TASOR: variants seen among roughly 807,000 people sequenced by gnomAD.
TASOR encodes protein TASOR.
Under a neutral mutation model 178.6 loss-of-function variants are expected in TASOR, and 53 were observed. That is an observed-to-expected ratio of 0.30 (90% CI 0.24 to 0.37). The LOEUF (loss-of-function observed/expected upper bound fraction) is 0.37, where lower values mean the gene tolerates loss of function less well. Ranked by LOEUF, TASOR falls within the 10% of genes least tolerant of loss-of-function variation. The probability of loss-of-function intolerance (pLI) is 1.00; values close to 1 mark genes in which losing one functional copy is unlikely to be tolerated. For missense variants in TASOR, 1,815 were observed against 1,971.4 expected (o/e 0.92, Z 1.50); for synonymous variants, 713 against 696.2 (o/e 1.02, Z -0.38).
Position 56,641,333 on chromosome 3 carries a change from A to G in TASOR, c.2619+16T>C, listed in dbSNP as rs943104761. ...ACACTCACAAACACAAAGGTAACCA[A>G]CAGCTATATGCTTACTTCTTTCAAA... On this transcript the variant is annotated intron_variant, in intron 15 of 23. Transcript: ENST00000683822. 1.4e-5 allele frequency: 22 copies of G among 1,565,214 alleles called. 1 individual carries two copies. The highest frequency in any genetic ancestry group is 4.6e-5 in the East Asian group (2 of 43,940).
Position 56,664,029 on chromosome 3 carries a change from C to T in TASOR, c.1023-457G>A, listed in dbSNP as rs539571794. ...ACCTACATAAATCTAATGAGGAAGA[C>T]AGAAAACAATGATATATAACAGATC... is the stretch of plus-strand genomic sequence containing the variant. On this transcript the variant is annotated intron_variant, in intron 7 of 23. Coordinates refer to ENST00000683822, the MANE Select transcript of TASOR (RefSeq NM_001365635.2). 14 of 197,586 alleles carry T rather than the reference C, an allele frequency of 7.1e-5. 1 individual carries two copies. The South Asian group carries it at 2.5e-3, about 36-fold the overall frequency. The allele number at this position is 197,586 out of a possible 1,614,324, so 12.2% of individuals were successfully genotyped here.
intron 9 of TASOR, 61 bp downstream of exon 9, chr3:56,662,324 G>A: frequency 2.4e-6 from 2 of 841,976 alleles, no homozygotes; most frequent in Admixed American, 2.6e-5. Context: ...AAGAAATAAG[G>A]AAAAAGGCTC....
rs1489071599 is a variant in TASOR at position 56,622,197 on chromosome 3, G to A, written c.*840C>T. 1 of 152,126 alleles carries A rather than the reference G, an allele frequency of 6.6e-6. No homozygotes were observed. Among genetic ancestry groups the A allele is most frequent in the East Asian group, 1.9e-4 (1 of 5,194 alleles). 9.4% of individuals were successfully genotyped at this position (152,126 alleles called of 1,614,324 possible). ...AACAAGTTAGTAATTAGTATTAGAG[G>A]CAGTAGTTAGGAATAGATACGGGTT... On this transcript the variant is annotated 3_prime_UTR_variant, in exon 24 of 24. Transcript: ENST00000683822.
chr3:56,625,131 C>G (rs2076768969), intron 21 of TASOR, 125 bp from the exon 22 acceptor site: 2 of 810,172 alleles, frequency 2.5e-6, no homozygotes, highest in Admixed American at 2.6e-5. Context: ...TGCTTTAGCT[C>G]TCTGCCTGAT....
chr3:56,669,909 C>A, intron 4 of TASOR, 118 bp from the exon 5 acceptor site: 1 of 925,998 alleles, frequency 1.1e-6, no homozygotes, highest in Non-Finnish European at 1.6e-6. Context: ...AAATCAGAAA[C>A]AAAAGATAAA....
At chr3:56,669,279 G>C (rs2030406807) in intron 5 of TASOR, among the ~76,000 whole-genome samples, 1 of 152,092 alleles carries the variant, frequency 6.6e-6, no homozygotes, top group Non-Finnish European at 1.5e-5. Flanking sequence ...TGACGCGGGT[G>C]GATCACGAAG....
intron 14 of TASOR, among the ~76,000 whole-genome samples, chr3:56,643,067 T>A (rs981749388): frequency 6.6e-6 from 1 of 151,546 alleles, no homozygotes; most frequent in Non-Finnish European, 1.5e-5. Context: ...AGTTCGAAAC[T>A]AGCTCAGCCA....
intron 1 of TASOR, among the ~76,000 whole-genome samples, chr3:56,678,271 T>G (rs1481702091): frequency 7.2e-6 from 1 of 139,204 alleles, no homozygotes; most frequent in Non-Finnish European, 1.5e-5. Flanking sequence ...AACTTCCACC[T>G]CCTGGGTTCA....
rs559865439 is a variant in TASOR at position 56,621,016 on chromosome 3, T to TAGTTAGTTAGCC, written c.*2020_*2021insGGCTAACTAACT. 1.3e-5 allele frequency: 2 copies of TAGTTAGTTAGCC among 152,036 alleles called. No individual in the cohort carries two copies. Among genetic ancestry groups the TAGTTAGTTAGCC allele is most frequent in the African/African-American group, 4.8e-5 (2 of 41,342 alleles). The allele number at this position is 152,036 out of a possible 1,614,324, so 9.4% of individuals were successfully genotyped here. A position where few individuals can be genotyped will look rare whatever the true frequency, so the allele number is the denominator to read the frequency against. Reference sequence around the variant, plus strand: ...AAATACAAAAAGTTAGTTAGTTAGTTAGCCAGGCGTGGTGGTGGGTGCCTG... The same window carrying TAGTTAGTTAGCC: ...AAATACAAAAAGTTAGTTAGTTAGTTAGTTAGTTAGCCAGCCAGGCGTGGTGGTGGGTGCCTG... On this transcript the variant is annotated 3_prime_UTR_variant, in exon 24 of 24. Coordinates refer to ENST00000683822, the MANE Select transcript of TASOR (RefSeq NM_001365635.2).
At chr3:56,656,841 T>C (rs1223164192) in intron 11 of TASOR, among the ~76,000 whole-genome samples, 1 of 148,708 alleles carries the variant, frequency 6.7e-6, no homozygotes, top group Non-Finnish European at 1.5e-5. Context: ...GGAAGTCCCA[T>C]CTCTACTAAA....
chr3:56,679,710 CCCAAGA>C (rs1187496998), intron 1 of TASOR, among the ~76,000 whole-genome samples: 2 of 152,134 alleles, frequency 1.3e-5, no homozygotes, highest in Admixed American at 1.3e-4. Flanking sequence ...TACTCCATTT[CCCAAGA>C]ACTTTGGAGG....
chr3:56,629,069 G>A (rs901646389), intron 18 of TASOR: 1 of 152,138 alleles, frequency 6.6e-6, no homozygotes. Context: ...CACTGCACAT[G>A]GCCCAAATCC....
chr3:56,655,499 G>A (rs914460780), intron 11 of TASOR, among the ~76,000 whole-genome samples: 1 of 152,152 alleles, frequency 6.6e-6, no homozygotes, highest in Non-Finnish European at 1.5e-5. Flanking sequence ...GGGCATGGTG[G>A]TTCATGCCTA....
intron 5 of TASOR, among the ~76,000 whole-genome samples, chr3:56,668,960 G>T (rs763285680): frequency 6.6e-6 from 1 of 151,852 alleles, no homozygotes; most frequent in Non-Finnish European, 1.5e-5. Context: ...GTGACAGAGT[G>T]AGACTCCGTC....
At position 56,660,967 on chromosome 3, in the gene TASOR, T is replaced by C. The variant is rs1266898430; in HGVS notation, c.1211A>G (p.Gln404Arg). The C allele has an allele frequency of 5.0e-6, 8 of 1,611,234 alleles. No homozygotes were observed. The highest frequency in any genetic ancestry group is 1.7e-5 in the Admixed American group (1 of 59,950). The change falls in exon 10 of 24, where the codon CAG becomes CGG. Residue 404 changes from glutamine (Q) to arginine (R), a missense_variant. Physicochemically the swap from Gln to Arg is conservative, Grantham distance 43. Coordinates refer to ENST00000683822, the MANE Select transcript of TASOR (RefSeq NM_001365635.2). The stretch of plus-strand genomic sequence containing the variant: ...ATAAAACAGTGCTGGAGGGATTTTC[T>C]GTTTCAGATGATCAATACTCATAAC... ...ETVMSIDHLK[Q>R]KIPPALFYKE...
intron 6 of TASOR, among the ~76,000 whole-genome samples, chr3:56,667,264 A>C (rs1277195192): frequency 6.6e-6 from 1 of 152,246 alleles, no homozygotes; most frequent in Non-Finnish European, 1.5e-5. Context: ...TTACATAAAT[A>C]AAGCAAAAAT....
In TASOR at chr3:56,633,077, T is replaced by C. The variant is rs775916244; in HGVS notation, c.3714A>G (p.Glu1238=). The part of the protein sequence containing the change: ...QKNTVKFYIH[E]EEESVLCKEI... Reference sequence around the variant, plus strand: ...CTTTACAGAGCACACTCTCTTCTTCTTCATGAATATAAAATTTCACAGTAT... The same window carrying C: ...CTTTACAGAGCACACTCTCTTCTTCCTCATGAATATAAAATTTCACAGTAT... Residue 1238 remains glutamate, a synonymous_variant, in exon 18 of 24, where the codon GAA becomes GAG. Transcript: ENST00000683822. 2.5e-6 allele frequency: 4 copies of C among 1,605,888 alleles called. No homozygotes were observed.
chr3:56,636,799 CA>C (rs1210576634), intron 17 of TASOR, among the ~76,000 whole-genome samples: 3 of 152,164 alleles, frequency 2.0e-5, no homozygotes, highest in African/African-American at 7.2e-5. Context: ...CAGATGTCTA[CA>C]CTTTAGCTTA....
intron 18 of TASOR, among the ~76,000 whole-genome samples, chr3:56,629,643 T>G (rs1362802044): frequency 6.6e-6 from 1 of 152,184 alleles, no homozygotes; most frequent in Non-Finnish European, 1.5e-5. Flanking sequence ...CAGACTTTCA[T>G]GCAGAGTTCC....
Sources: allele counts gnomAD v4.1 joint callset (sites outside exome capture counted in the v4.1 genomes callset), GRCh38; gene constraint gnomAD v4.1.1; transcripts MANE v1.5; gene names NCBI Gene and HGNC (gene_info 2026-07-23, HGNC 2026-07-21).